The following ZNF559 variants were observed in gnomAD, a reference collection of about 807,000 sequenced individuals.
ZNF559 encodes zinc finger protein 559, also known as putative protein product of Nbla00121.
ZNF559 carries 17 observed loss-of-function variants against 14.2 expected under a neutral mutation model. The ratio of observed to expected loss-of-function variants is 1.20; its 90% CI spans 0.82 to 1.80. The LOEUF is 1.80. Among genes scored for constraint, ZNF559 ranks in the 40% most tolerant of loss-of-function variants. The pLI, the probability that ZNF559 is intolerant of heterozygous loss-of-function variation, is 0.00. For missense variants in ZNF559, 740 were observed against 629.7 expected, an observed-to-expected ratio of 1.18 and a Z score of -1.88; for synonymous variants, 244 against 212.4, an observed-to-expected ratio of 1.15 and a Z score of -1.29.
chr19:9,341,264 A>T (rs1424147901), intron 6 of ZNF559, 80 bp downstream of exon 6: 2 of 1,385,264 alleles, frequency 1.4e-6, no homozygotes, highest in Admixed American at 1.7e-5. Flanking sequence ...AAGCAGCACA[A>T]TAACCTTGAG....
chr19:9,328,348 CTTTTT>C (rs904074002), intron 2 of ZNF559, among the ~76,000 whole-genome samples: 11 of 60,984 alleles, frequency 1.8e-4, no homozygotes, highest in African/African-American at 7.8e-4. Context: ...GCTTGTTTGT[CTTTTT>C]TTTTTTTTTT....
chr19:9,344,582 G>T lies in ZNF559; in HGVS notation c.*1514G>T, dbSNP rs1317676662. 1 of 152,210 alleles carries T rather than the reference G, an allele frequency of 6.6e-6. No individual in the cohort carries two copies. Among genetic ancestry groups the T allele is most frequent in the Non-Finnish European group, 1.5e-5 (1 of 68,086 alleles). The allele number at this position is 152,210 out of a possible 1,614,324, so 9.4% of individuals were successfully genotyped here. ...TTGCTTGAGCCTGGTCAGGGAGGCAGAGGTTGCAGTGAGCCCTGATCGTGC... is the reference window on the plus strand; with the variant it reads ...TTGCTTGAGCCTGGTCAGGGAGGCATAGGTTGCAGTGAGCCCTGATCGTGC... On this transcript the variant is annotated 3_prime_UTR_variant, in exon 7 of 7. Coordinates refer to ENST00000603380, the MANE Select transcript of ZNF559 (RefSeq NM_032497.3).
intron 2 of ZNF559, among the ~76,000 whole-genome samples, chr19:9,329,159 TTA>T (rs1438013061): frequency 1.3e-5 from 2 of 152,200 alleles, no homozygotes; most frequent in Non-Finnish European, 2.9e-5. Flanking sequence ...AAATCATAGT[TTA>T]TTATTCCTGT....
In ZNF559 at chr19:9,343,130, T is replaced by G; in HGVS notation, c.*62T>G. Reference sequence around the variant, plus strand: ...ACTACTTCCTCACACTTACTGAACATGTACTCATTCATAGTGGCAATGTAC... The same window carrying G: ...ACTACTTCCTCACACTTACTGAACAGGTACTCATTCATAGTGGCAATGTAC... On this transcript the variant is annotated 3_prime_UTR_variant, in exon 7 of 7. Coordinates refer to ENST00000603380, the MANE Select transcript of ZNF559 (RefSeq NM_032497.3). The G allele has an allele frequency of 1.9e-6, 3 of 1,548,684 alleles. No individual in the cohort carries two copies. Among genetic ancestry groups the G allele is most frequent in the Non-Finnish European group, 2.6e-6 (3 of 1,154,214 alleles).
At chr19:9,327,399 C>T (rs367984286) in intron 2 of ZNF559, among the ~76,000 whole-genome samples, 22 of 152,158 alleles carry the variant, frequency 1.4e-4, no homozygotes, top group African/African-American at 4.3e-4. Flanking sequence ...AGATGTGGGT[C>T]ACCACGCCTG....
In ZNF559 at chr19:9,342,036, TTCC is replaced by T. The variant is rs1192064551; in HGVS notation, c.591_593del (p.Ser198del). The T allele has an allele frequency of 2.5e-6, 4 of 1,611,004 alleles. No individual in the cohort carries two copies. Among genetic ancestry groups the T allele is most frequent in the Non-Finnish European group, 3.4e-6 (4 of 1,178,988 alleles). On this transcript the variant is annotated inframe_deletion, in exon 7 of 7. Transcript: ENST00000603380. Reference sequence around the variant, plus strand: ...GCAGTGACTGTGAAAAAGGCTTACCTTCCTCCTCACACCTCAGAGAATGTGTAA... The same window carrying T: ...GCAGTGACTGTGAAAAAGGCTTACCTTCCTCACACCTCAGAGAATGTGTAA...
chr19:9,342,781 A>G lies in ZNF559; in HGVS notation c.1330A>G (p.Lys444Glu). The G allele has an allele frequency of 6.2e-7, 1 of 1,614,206 alleles. No homozygotes were observed. Among genetic ancestry groups the G allele is most frequent in the Non-Finnish European group, 8.5e-7 (1 of 1,180,030 alleles). Reference sequence around the variant, plus strand: ...GCCTTTTGAATGTGAGGAATGTGGGAAAGCCTTTAGATACTCCTCGCACCT... The same window carrying G: ...GCCTTTTGAATGTGAGGAATGTGGGGAAGCCTTTAGATACTCCTCGCACCT... ...ERPFECEECG[K>E]AFRYSSHLSQ... Residue 444 changes from lysine (K) to glutamate (E), a missense_variant, in exon 7 of 7, where the codon AAA becomes GAA. Physicochemically the swap from Lys to Glu is moderately conservative, Grantham distance 56. Coordinates refer to ENST00000603380, the MANE Select transcript of ZNF559 (RefSeq NM_032497.3).
chr19:9,335,609 G>A lies in ZNF559; in HGVS notation c.-119-2187G>A, dbSNP rs934878143. On this transcript the variant is annotated intron_variant, in intron 2 of 6. Transcript: ENST00000603380. ...ATCGCCCAGACTGGCATGCAGTGGC[G>A]TGATCTCAGCTCACTGCAACCTTTG... Among the ~76,000 whole-genome samples the A allele has an allele frequency of 3.9e-5, 6 of 152,148 alleles. No individual in the cohort carries two copies. The East Asian group carries it at 7.7e-4, about 20-fold the overall frequency.
At chr19:9,332,694 T>C (rs1388939914) in intron 2 of ZNF559, among the ~76,000 whole-genome samples, 2 of 152,228 alleles carry the variant, frequency 1.3e-5, no homozygotes, top group East Asian at 3.9e-4. Flanking sequence ...GTCCACACTC[T>C]GCTGTCAAAT....
chr19:9,341,300 C>A, intron 6 of ZNF559, 116 bp downstream of exon 6: 2 of 982,746 alleles, frequency 2.0e-6, no homozygotes, highest in Non-Finnish European at 3.2e-6. Flanking sequence ...GTTTTTCACC[C>A]AAAAATAATC....
At chr19:9,332,264 C>T (rs1396258368) in intron 2 of ZNF559, among the ~76,000 whole-genome samples, 3 of 151,998 alleles carry the variant, frequency 2.0e-5, no homozygotes, top group Non-Finnish European at 2.9e-5. Flanking sequence ...AATTAATTTA[C>T]ATTTGAATAT....
chr19:9,332,359 A>G (rs1487575710), intron 2 of ZNF559, among the ~76,000 whole-genome samples: 1 of 151,774 alleles, frequency 6.6e-6, no homozygotes, highest in Non-Finnish European at 1.5e-5. Flanking sequence ...GTGTGTGTAT[A>G]TATATATATA....
intron 2 of ZNF559, among the ~76,000 whole-genome samples, chr19:9,334,100 G>T (rs1161766343): frequency 1.3e-5 from 2 of 152,150 alleles, no homozygotes; most frequent in African/African-American, 4.8e-5. Context: ...TGAATGTAAG[G>T]ATATACCCTT....
intron 2 of ZNF559, among the ~76,000 whole-genome samples, chr19:9,335,207 C>T (rs567897143): frequency 1.3e-4 from 20 of 151,666 alleles, no homozygotes; most frequent in Admixed American, 3.3e-4. Context: ...GAGGTCAAGG[C>T]GGGAGGATCG....
At chr19:9,340,007 C>T (rs199912573) in intron 5 of ZNF559, among the ~76,000 whole-genome samples, 4 of 139,594 alleles carry the variant, frequency 2.9e-5, no homozygotes, top group East Asian at 2.1e-4. Flanking sequence ...AGGATGGTCT[C>T]GATCTCTTGA....
At position 9,343,566 on chromosome 19, in the gene ZNF559, G is replaced by C; in HGVS notation, c.*498G>C. On this transcript the variant is annotated 3_prime_UTR_variant, in exon 7 of 7. Transcript: ENST00000603380. ...GAAAAATCTTATGAATGTAAAATGT[G>C]TGGAGATTCTTCTTTGTTTTTAGCT... The C allele has an allele frequency of 3.0e-6, 3 of 991,814 alleles. No individual in the cohort carries two copies. The highest frequency in any genetic ancestry group is 2.4e-6 in the Non-Finnish European group (2 of 833,198). 61.4% of individuals were successfully genotyped at this position (991,814 alleles called of 1,614,324 possible). A position where few individuals can be genotyped will look rare whatever the true frequency, so the allele number is the denominator to read the frequency against.
Position 9,343,831 on chromosome 19 carries a change from T to C in ZNF559, c.*763T>C, listed in dbSNP as rs1244969165. On this transcript the variant is annotated 3_prime_UTR_variant, in exon 7 of 7. Coordinates refer to ENST00000603380, the MANE Select transcript of ZNF559 (RefSeq NM_032497.3). The stretch of plus-strand genomic sequence containing the variant: ...AGGTTATATATCATTAATAAAAATA[T>C]CTAGCTGGTCTGAAGATCCTGAGTT... The C allele has an allele frequency of 2.0e-6, 2 of 980,720 alleles. No individual in the cohort carries two copies. The highest frequency in any genetic ancestry group is 2.4e-6 in the Non-Finnish European group (2 of 825,762). The allele number at this position is 980,720 out of a possible 1,614,324, so 60.8% of individuals were successfully genotyped here. A position where few individuals can be genotyped will look rare whatever the true frequency, so the allele number is the denominator to read the frequency against.
Position 9,342,727 on chromosome 19 carries a change from C to T in ZNF559, c.1276C>T (p.Arg426Ter), listed in dbSNP as rs202131613. The T allele has an allele frequency of 6.7e-5, 108 of 1,613,792 alleles. No individual in the cohort carries two copies. Among genetic ancestry groups the T allele is most frequent in the East Asian group, 6.5e-4 (29 of 44,872 alleles). The change falls in exon 7 of 7, where the codon CGA (arginine) becomes TGA (stop). Residue 426 changes from arginine (R) to a stop codon, truncating the protein, a stop_gained. Coordinates refer to ENST00000603380, the MANE Select transcript of ZNF559 (RefSeq NM_032497.3). LOFTEE classifies it low-confidence loss of function (END_TRUNC). ...CTTCATTCGATCCTCATTTCTTATT[C>T]GACATTTGAGAAGTCACAGTGCAGA... ...KAFIRSSFLIRHLRSHSAERP... is the reference protein window; with the variant it reads ...KAFIRSSFLI
chr19:9,341,453 A>G (rs1599354476), intron 6 of ZNF559: 1 of 803,158 alleles, frequency 1.2e-6, no homozygotes. Context: ...GGCCGTTATC[A>G]GCTAAGCTCT....
Sources: gnomAD v4.1 joint callset for allele counts (sites outside exome capture counted in the v4.1 genomes callset) on GRCh38, gnomAD v4.1.1 for gene constraint, MANE v1.5 for transcripts, NCBI Gene and HGNC (gene_info 2026-07-23, HGNC 2026-07-21) for gene names.